DAB1: variants seen among roughly 807,000 people sequenced by gnomAD.
DAB1 encodes DAB adaptor protein 1.
In DAB1, 15 loss-of-function variants were observed where a neutral mutation model predicts 64.6. The ratio of observed to expected loss-of-function variants is 0.23; its 90% CI spans 0.16 to 0.36. DAB1 has a LOEUF of 0.36. Among genes scored for constraint, DAB1 ranks in the 10% least tolerant of loss-of-function variants. DAB1 has a pLI of 1.00. For missense variants in DAB1, 596 were observed against 706.7 expected, an observed-to-expected ratio of 0.84 and a Z score of 1.78; for synonymous variants, 235 against 251.9, an observed-to-expected ratio of 0.93 and a Z score of 0.64.
chr1:57,962,480 CT>C (rs1645548311), intron 5 of DAB1, among the ~76,000 whole-genome samples: 1 of 152,054 alleles, frequency 6.6e-6, no homozygotes, highest in African/African-American at 2.4e-5. Flanking sequence ...AACTTCTTAC[CT>C]TCTGACATGA....
intron 8 of DAB1, among the ~76,000 whole-genome samples, chr1:57,066,468 AT>A (rs368990289): frequency 6.8e-4 from 103 of 152,336 alleles, no homozygotes; most frequent in East Asian, 2.9e-3. Context: ...AAAGGCAATT[AT>A]TATTATTAAT....
chr1:57,482,061 T>C (rs1312865343), intron 7 of DAB1, among the ~76,000 whole-genome samples: 2 of 152,108 alleles, frequency 1.3e-5, no homozygotes, highest in African/African-American at 2.4e-5. Flanking sequence ...AAAATATTAA[T>C]ATAAATATCT....
rs869109727 is a variant in DAB1, at chr1:58,300,629, AG to A, written n.309+42722del. Among the ~76,000 whole-genome samples the A allele has an allele frequency of 1.4e-3, 86 of 59,352 alleles. 1 individual carries two copies. Among genetic ancestry groups the A allele is most frequent in the Admixed American group, 3.1e-3 (18 of 5,814 alleles). 38.9% of individuals were successfully genotyped at this position (59,352 alleles called of 152,430 possible). A position where few individuals can be genotyped will look rare whatever the true frequency, so the allele number is the denominator to read the frequency against. On this transcript the variant is annotated intron_variant and non_coding_transcript_variant, in intron 4 of 20. Coordinates refer to the DAB1 transcript ENST00000485760. ...GAAAGAAAGAGAGAGAGAGAGAGAG[AG>A]AGAGAGAGAGAGAGAGAGGAAGGAA... is the stretch of plus-strand genomic sequence containing the variant.
intron 3 of DAB1, among the ~76,000 whole-genome samples, chr1:58,358,311 G>A (rs1262173108): frequency 1.3e-5 from 2 of 152,152 alleles, no homozygotes; most frequent in Non-Finnish European, 2.9e-5. Flanking sequence ...TTTCAAGAAA[G>A]AGGAGGAAGA....
chr1:57,924,588 T>C, intron 5 of DAB1, among the ~76,000 whole-genome samples: 1 of 151,442 alleles, frequency 6.6e-6, no homozygotes, highest in African/African-American at 2.4e-5. Flanking sequence ...GCCTCCCGAG[T>C]AGCTGGGATT....
intron 6 of DAB1, among the ~76,000 whole-genome samples, chr1:57,711,666 T>G (rs557927058): frequency 2.0e-5 from 3 of 152,130 alleles, no homozygotes; most frequent in South Asian, 2.1e-4. Flanking sequence ...CAGGAAAGAG[T>G]AGATTAAAAT....
At chr1:58,050,859 T>C (rs949623705) in intron 5 of DAB1, among the ~76,000 whole-genome samples, 25 of 152,240 alleles carry the variant, frequency 1.6e-4, no homozygotes, top group Admixed American at 1.6e-3. Context: ...AGTTGGACAG[T>C]GGCACATGGC....
intron 5 of DAB1, among the ~76,000 whole-genome samples, chr1:57,971,702 C>A (rs539130859): frequency 1.3e-5 from 2 of 152,092 alleles, no homozygotes; most frequent in Non-Finnish European, 2.9e-5. Context: ...ATTTTGTATC[C>A]GGGATCACAA....
chr1:57,278,270 T>A (rs1373392795), intron 2 of DAB1, among the ~76,000 whole-genome samples: 1 of 152,234 alleles, frequency 6.6e-6, no homozygotes, highest in Non-Finnish European at 1.5e-5. Flanking sequence ...GGGAGTATTA[T>A]CAAACTCATA....
At chr1:57,016,877 C>G (rs888407278) in intron 11 of DAB1, among the ~76,000 whole-genome samples, 1 of 152,108 alleles carries the variant, frequency 6.6e-6, no homozygotes, top group African/African-American at 2.4e-5. Flanking sequence ...GAAATCCCGG[C>G]AGGGTAGGTA....
chr1:58,503,835 C>T (rs1645945517), intron 3 of DAB1, among the ~76,000 whole-genome samples: 1 of 152,144 alleles, frequency 6.6e-6, no homozygotes, highest in Admixed American at 6.5e-5. Flanking sequence ...TTTATTATTG[C>T]AACCTGAACA....
At chr1:57,404,359 G>A (rs169169) in intron 1 of DAB1, among the ~76,000 whole-genome samples, 5,638 of 152,200 alleles carry the variant, frequency 0.037, 325 homozygotes, top group African/African-American at 0.12. Flanking sequence ...TGTGCTAAAT[G>A]CTTAATGCAA....
At chr1:57,600,102 C>A (rs994360276) in intron 7 of DAB1, among the ~76,000 whole-genome samples, 2 of 152,116 alleles carry the variant, frequency 1.3e-5, no homozygotes, top group Admixed American at 1.3e-4. Context: ...TGTCTCTGTG[C>A]CCCCTTAGTG....
intron 5 of DAB1, among the ~76,000 whole-genome samples, chr1:58,149,552 A>T (rs147785018): frequency 6.6e-6 from 1 of 152,166 alleles, no homozygotes; most frequent in Non-Finnish European, 1.5e-5. Context: ...TCGGATCCCA[A>T]ATTTGACAAG....
intron 5 of DAB1, among the ~76,000 whole-genome samples, chr1:58,065,019 T>C (rs571434637): frequency 6.6e-6 from 1 of 152,342 alleles, no homozygotes; most frequent in South Asian, 2.1e-4. Flanking sequence ...CAACAATAGA[T>C]AAATTTGCTG....
intron 5 of DAB1, among the ~76,000 whole-genome samples, chr1:57,921,744 T>A (rs1557557509): frequency 6.6e-6 from 1 of 152,110 alleles, no homozygotes; most frequent in East Asian, 1.9e-4. Context: ...CCAAACTTTT[T>A]AAAAACCTGT....
chr1:57,475,956 G>T (rs1330564374), intron 7 of DAB1, among the ~76,000 whole-genome samples: 1 of 152,166 alleles, frequency 6.6e-6, no homozygotes, highest in Non-Finnish European at 1.5e-5. Flanking sequence ...CAGGTGCAGT[G>T]GCTCACCCCT....
intron 1 of DAB1, among the ~76,000 whole-genome samples, chr1:57,335,619 C>T (rs1425762795): frequency 1.3e-5 from 2 of 152,188 alleles, no homozygotes; most frequent in African/African-American, 4.8e-5. Flanking sequence ...TTTAAGCCCC[C>T]AAATGGGTCC....
chr1:58,119,412 G>A (rs1037481015), intron 5 of DAB1, among the ~76,000 whole-genome samples: 9 of 151,872 alleles, frequency 5.9e-5, no homozygotes, highest in Non-Finnish European at 1.3e-4. Context: ...TTAATTGTGG[G>A]TGCTGCCCCA....
Sources: allele counts gnomAD v4.1 joint callset (sites outside exome capture counted in the v4.1 genomes callset), GRCh38; gene constraint gnomAD v4.1.1; transcripts MANE v1.5; gene names NCBI Gene and HGNC (gene_info 2026-07-23, HGNC 2026-07-21).